The following CTSB variants were observed in gnomAD, a reference collection of about 807,000 sequenced individuals.
CTSB encodes cathepsin B, also known as APP secretase.
A neutral mutation model predicts 44.3 loss-of-function variants in CTSB; 57 were observed. The ratio of observed to expected loss-of-function variants is 1.29; its 90% CI spans 1.04 to 1.60. The LOEUF (loss-of-function observed/expected upper bound fraction) is 1.60, where lower values mean the gene tolerates loss of function less well. Ranked by LOEUF, CTSB falls within the 40% of genes most tolerant of loss-of-function variation. The probability of loss-of-function intolerance (pLI) is 0.00; values close to 1 mark genes in which losing one functional copy is unlikely to be tolerated. For synonymous variants in CTSB, 320 were observed against 168.0 expected (o/e 1.91, Z -7.00); for missense variants, 768 against 443.0 (o/e 1.73, Z -6.59).
At chr8:11,845,408 C>G (rs530542982) in intron 9 of CTSB, among the ~76,000 whole-genome samples, 186 bp from the exon 10 acceptor site, 1 of 152,236 alleles carries the variant, frequency 6.6e-6, no homozygotes, top group Non-Finnish European at 1.5e-5. Flanking sequence ...GCCCCCTGCC[C>G]GGTCACCCTT....
chr8:11,867,922 A>T (rs1817417598), intron 1 of CTSB, 79 bp downstream of exon 1: 1 of 150,358 alleles, frequency 6.7e-6, no homozygotes, highest in South Asian at 2.1e-4. Context: ...GGCGCAGAGG[A>T]ACCCGTCTCG....
chr8:11,852,489 G>A (rs186780702), intron 3 of CTSB, 121 bp downstream of exon 3: 29 of 593,844 alleles, frequency 4.9e-5, no homozygotes, highest in East Asian at 3.9e-4. Flanking sequence ...AAGCGGTGTC[G>A]GCAGCCCTGG....
intron 8 of CTSB, 28 bp from the exon 9 acceptor site, chr8:11,845,817 G>A (rs376729846): frequency 7.0e-5 from 112 of 1,594,052 alleles, no homozygotes; most frequent in Middle Eastern, 3.3e-4. Flanking sequence ...GGCTGAGACC[G>A]AGACCGGGCC....
rs767500114 is a variant in CTSB, at chr8:11,845,236, G to C, written c.923-14C>G. 3 of 1,593,578 alleles carry C rather than the reference G, an allele frequency of 1.9e-6. No individual in the cohort carries two copies. Among genetic ancestry groups the C allele is most frequent in the Non-Finnish European group, 1.7e-6 (2 of 1,161,582 alleles). ...TTTTAAAGAAGCCTGGGAATAAAAAGTAAGGTGCTTTTAAAGTGTGACAAG... is the reference window on the plus strand; with the variant it reads ...TTTTAAAGAAGCCTGGGAATAAAAACTAAGGTGCTTTTAAAGTGTGACAAG... On this transcript the variant is annotated splice_polypyrimidine_tract_variant and intron_variant, in intron 9 of 9. Transcript: ENST00000353047.
intron 3 of CTSB, 115 bp downstream of exon 3, chr8:11,852,495 C>G (rs1002578459): frequency 4.9e-5 from 32 of 657,828 alleles, no homozygotes; most frequent in Admixed American, 3.6e-4. Context: ...TGTCGGCAGC[C>G]CTGGGCAGCA....
At position 11,845,123 on chromosome 8, in the gene CTSB, G is replaced by T. The variant is rs568401455; in HGVS notation, c.*2C>A. On this transcript the variant is annotated 3_prime_UTR_variant, in exon 10 of 10. Coordinates refer to ENST00000353047, the MANE Select transcript of CTSB (RefSeq NM_001908.5). Reference sequence around the variant, plus strand: ...GGACTGGCACGACAGGCCCACGGCAGATTAGATCTTTTCCCAGTACTGATC... The same window carrying T: ...GGACTGGCACGACAGGCCCACGGCATATTAGATCTTTTCCCAGTACTGATC... 18 of 1,607,936 alleles carry T rather than the reference G, an allele frequency of 1.1e-5. No individual in the cohort carries two copies. In the South Asian group the frequency reaches 1.3e-4, roughly 12 times the overall value.
At chr8:11,848,202 C>T in intron 5 of CTSB, 50 bp from the exon 6 acceptor site, 1 of 1,518,002 alleles carries the variant, frequency 6.6e-7, no homozygotes, top group Non-Finnish European at 9.2e-7. Context: ...ACCACCAGCT[C>T]TCCAGACCAC....
At chr8:11,848,182 TGA>T (rs1813809552) in intron 5 of CTSB, 30 bp from the exon 6 acceptor site, 24 of 1,592,744 alleles carry the variant, frequency 1.5e-5, no homozygotes, top group Non-Finnish European at 2.0e-5. Context: ...TGAAAACCTC[TGA>T]GAGAAGCACC....
At chr8:11,853,180 G>T in intron 2 of CTSB, 149 bp downstream of exon 2, 1 of 1,063,868 alleles carries the variant, frequency 9.4e-7, no homozygotes, top group Middle Eastern at 2.3e-4. Context: ...GTGGTCCAGA[G>T]CCGACATGAC....
Position 11,857,984 on chromosome 8 carries a change from G to C in CTSB, c.-25-4505C>G, listed in dbSNP as rs990123353. 3.0e-4 allele frequency: 46 copies of C among 152,406 alleles called. 1 individual carries two copies. Among genetic ancestry groups the C allele is most frequent in the African/African-American group, 1.0e-3 (43 of 41,576 alleles). The allele number at this position is 152,406 out of a possible 1,614,324, so 9.4% of individuals were successfully genotyped here. On this transcript the variant is annotated intron_variant, in intron 1 of 9. Transcript: ENST00000353047. ...ATGAGCCCTGCACTTGGAGTCAGGA[G>C]ACCTGCATTTGGATCTGGCTCTGCC...
At chr8:11,860,091 A>G (rs919134870) in intron 1 of CTSB, among the ~76,000 whole-genome samples, 2 of 152,150 alleles carry the variant, frequency 1.3e-5, no homozygotes, top group African/African-American at 4.8e-5. Flanking sequence ...AAAAGAAAGA[A>G]AAAGCTTTCT....
chr8:11,857,590 C>A (rs892889865), intron 1 of CTSB, among the ~76,000 whole-genome samples: 1 of 152,184 alleles, frequency 6.6e-6, no homozygotes, highest in African/African-American at 2.4e-5. Flanking sequence ...GCTGAGAACA[C>A]AGGCAGCTGC....
intron 9 of CTSB, 145 bp from the exon 10 acceptor site, chr8:11,845,367 C>A: frequency 1.4e-6 from 1 of 692,670 alleles, no homozygotes; most frequent in Non-Finnish European, 2.5e-6. Flanking sequence ...CACAAGGCTT[C>A]TGGAGCCGTG....
At chr8:11,864,808 G>A (rs1408439500) in intron 1 of CTSB, among the ~76,000 whole-genome samples, 3 of 151,924 alleles carry the variant, frequency 2.0e-5, no homozygotes, top group Non-Finnish European at 4.4e-5. Context: ...CAGCTACTCC[G>A]GAGGCTGAGG....
At chr8:11,862,025 G>A (rs1157616891) in intron 1 of CTSB, among the ~76,000 whole-genome samples, 1 of 152,100 alleles carries the variant, frequency 6.6e-6, no homozygotes, top group Non-Finnish European at 1.5e-5. Context: ...GGATAACACG[G>A]TGAAACCCCG....
chr8:11,845,120 G>T lies in CTSB; in HGVS notation c.*5C>A. 1 of 1,604,736 alleles carries T rather than the reference G, an allele frequency of 6.2e-7. No homozygotes were observed. On this transcript the variant is annotated 3_prime_UTR_variant, in exon 10 of 10. Transcript: ENST00000353047. ...CCAGGACTGGCACGACAGGCCCACG[G>T]CAGATTAGATCTTTTCCCAGTACTG...
At chr8:11,857,204 G>C (rs1301846272) in intron 1 of CTSB, among the ~76,000 whole-genome samples, 3 of 152,122 alleles carry the variant, frequency 2.0e-5, no homozygotes, top group Non-Finnish European at 2.9e-5. Context: ...TTGTAGTATA[G>C]TCCGTGTTTC....
chr8:11,845,352 A>C (rs1278339769), intron 9 of CTSB, 130 bp from the exon 10 acceptor site: 1 of 726,718 alleles, frequency 1.4e-6, no homozygotes, highest in Admixed American at 2.4e-5. Flanking sequence ...CACAGTCCTC[A>C]ACACCACAAG....
At chr8:11,845,246 T>G in intron 9 of CTSB, 24 bp from the exon 10 acceptor site, 2 of 1,569,934 alleles carry the variant, frequency 1.3e-6, no homozygotes, top group South Asian at 2.2e-5. Context: ...GTAAGGTGCT[T>G]TTAAAGTGTG....
Sources: allele counts gnomAD v4.1 joint callset (sites outside exome capture counted in the v4.1 genomes callset), GRCh38; gene constraint gnomAD v4.1.1; transcripts MANE v1.5; gene names NCBI Gene and HGNC (gene_info 2026-07-23, HGNC 2026-07-21).